Variants in JPH2 observed in about 807,000 individuals in gnomAD.
The protein encoded by JPH2 is junctophilin-2.
Under a neutral mutation model 55.9 loss-of-function variants are expected in JPH2, and 38 were observed. That is an observed-to-expected ratio of 0.68 (90% CI 0.52 to 0.89). The LOEUF (loss-of-function observed/expected upper bound fraction) is 0.89. JPH2 is among the 40% of genes least tolerant of loss of function. The pLI is 0.00. For missense variants in JPH2, 964 were observed against 1,037.6 expected, an observed-to-expected ratio of 0.93 and a Z score of 0.97; for synonymous variants, 480 against 472.4, an observed-to-expected ratio of 1.02 and a Z score of -0.21.
chr20:44,178,955 C>T (rs1265010518), intron 1 of JPH2, among the ~76,000 whole-genome samples: 4 of 152,200 alleles, frequency 2.6e-5, no homozygotes, highest in Non-Finnish European at 4.4e-5. Context: ...GGCAAAATCA[C>T]GTAACTCCCG....
Position 44,160,422 on chromosome 20 carries a change from A to T in JPH2, c.380-15T>A, listed in dbSNP as rs1474859369. On this transcript the variant is annotated splice_polypyrimidine_tract_variant and intron_variant, in intron 1 of 5. Transcript: ENST00000372980. This position sits in a 1 kb window ranked among gnomAD's most constrained non-coding sequence, Gnocchi z 4.9. ...TTGGTACGTCCCTGCGGGCGAGGAG[A>T]GGGCGCGTCAGTAGGCGGCACGACG... The T allele has an allele frequency of 1.2e-6, 2 of 1,605,596 alleles. No homozygotes were observed. The highest frequency in any genetic ancestry group is 1.7e-6 in the Non-Finnish European group (2 of 1,177,000).
At chr20:44,144,457 T>C (rs552502918) in intron 2 of JPH2, among the ~76,000 whole-genome samples, 9 of 152,264 alleles carry the variant, frequency 5.9e-5, no homozygotes, top group African/African-American at 1.9e-4. Flanking sequence ...ACTGTCCCCA[T>C]TCTACAGACG....
chr20:44,159,750 A>G lies in JPH2; in HGVS notation c.1037T>C (p.Leu346Pro). The G allele has an allele frequency of 6.2e-7, 1 of 1,613,774 alleles. No homozygotes were observed. Among genetic ancestry groups the G allele is most frequent in the Non-Finnish European group, 8.5e-7 (1 of 1,179,968 alleles). Residue 346 changes from leucine to proline, a missense_variant, in exon 2 of 6, where the codon CTG (leucine) becomes CCG (proline). Transcript: ENST00000372980. The surrounding 1 kb of genome is among the most constrained non-coding windows in gnomAD (Gnocchi z 5.7). ...REEGKYRHNVLVKDTKRRMLQ... is the reference protein window; with the variant it reads ...REEGKYRHNVPVKDTKRRMLQ... ...CATGCGGCGCTTGGTGTCCTTGACC[A>G]GCACGTTGTGGCGGTACTTGCCCTC...
intron 1 of JPH2, among the ~76,000 whole-genome samples, chr20:44,162,787 T>TATACACAC (rs1311653754): frequency 8.3e-4 from 34 of 40,988 alleles, no homozygotes; most frequent in African/African-American, 3.1e-3. Flanking sequence ...TATATATATA[T>TATACACAC]ACACACACAC....
intron 1 of JPH2, among the ~76,000 whole-genome samples, chr20:44,166,675 A>G (rs1438265244): frequency 1.3e-5 from 2 of 152,146 alleles, no homozygotes; most frequent in African/African-American, 4.8e-5. Context: ...GGGAAGGGGA[A>G]AAACCGACTC....
chr20:44,117,507 G>A (rs2072202145), intron 3 of JPH2, among the ~76,000 whole-genome samples: 1 of 152,180 alleles, frequency 6.6e-6, no homozygotes, highest in Non-Finnish European at 1.5e-5. Flanking sequence ...CCCACCCAGC[G>A]CTATCTGGTA....
At chr20:44,161,793 C>T (rs574717481) in intron 1 of JPH2, among the ~76,000 whole-genome samples, 1 of 152,172 alleles carries the variant, frequency 6.6e-6, no homozygotes, top group South Asian at 2.1e-4. Flanking sequence ...CATCCAAAAA[C>T]CTTCTCCTAT....
At chr20:44,122,257 T>A (rs1336718911) in intron 2 of JPH2, among the ~76,000 whole-genome samples, 7 of 152,126 alleles carry the variant, frequency 4.6e-5, no homozygotes, top group African/African-American at 1.7e-4. Context: ...TGCACATATG[T>A]AGGGGCAAGG....
chr20:44,162,321 C>A (rs924824162), intron 1 of JPH2, among the ~76,000 whole-genome samples: 129 of 152,298 alleles, frequency 8.5e-4, no homozygotes, highest in African/African-American at 3.1e-3. Flanking sequence ...CTCCAGATAT[C>A]CTTCAAGTCT....
Position 44,177,501 on chromosome 20 carries a change from G to A in JPH2, c.379+8826C>T, listed in dbSNP as rs190413349. 4.3e-5 allele frequency: 44 copies of A among 1,024,984 alleles called. No individual in the cohort carries two copies. In the African/African-American group the frequency reaches 7.2e-4, roughly 17 times the overall value. 63.5% of individuals were successfully genotyped at this position (1,024,984 alleles called of 1,614,324 possible). On this transcript the variant is annotated intron_variant, in intron 1 of 5. Coordinates refer to ENST00000372980, the MANE Select transcript of JPH2 (RefSeq NM_020433.5). ...GCCGTGGACAGGAAAGACTAATACGGTCCGCTTTTCTGTTCTGCTAAGGGT... is the reference window on the plus strand; with the variant it reads ...GCCGTGGACAGGAAAGACTAATACGATCCGCTTTTCTGTTCTGCTAAGGGT...
intron 2 of JPH2, among the ~76,000 whole-genome samples, chr20:44,155,272 G>T (rs2072557691): frequency 6.6e-6 from 1 of 152,138 alleles, no homozygotes; most frequent in South Asian, 2.1e-4. Context: ...CTTGGGCAAG[G>T]TCACACAGCT....
rs1194483938 is a variant in JPH2, at chr20:44,109,368, A to G, written c.*4150T>C. Reference sequence around the variant, plus strand: ...TCTAAGTGCTGTGTTCATATTTTCTATCTGAAGAGGCAGGTAACATGGTAT... The same window carrying G: ...TCTAAGTGCTGTGTTCATATTTTCTGTCTGAAGAGGCAGGTAACATGGTAT... On this transcript the variant is annotated 3_prime_UTR_variant, in exon 6 of 6. Transcript: ENST00000372980. Among the ~76,000 whole-genome samples, 1 of 152,240 alleles carries G rather than the reference A, an allele frequency of 6.6e-6. No individual in the cohort carries two copies. Among genetic ancestry groups the G allele is most frequent in the Non-Finnish European group, 1.5e-5 (1 of 68,046 alleles).
Position 44,186,814 on chromosome 20 carries a change from C to CCACT in JPH2, c.-113_-110dup. 1 of 1,085,622 alleles carries CCACT rather than the reference C, an allele frequency of 9.2e-7. No homozygotes were observed. Among genetic ancestry groups the CCACT allele is most frequent in the South Asian group, 1.3e-5 (1 of 74,762 alleles). The allele number at this position is 1,085,622 out of a possible 1,614,324, so 67.2% of individuals were successfully genotyped here. ...CCTCGGGGGCAGGCCCCCAGACTCA[C>CCACT]CACTGCACCCCAGGAGGGGGGAAGC... is the stretch of plus-strand genomic sequence containing the variant. On this transcript the variant is annotated 5_prime_UTR_variant, in exon 1 of 6. It introduces an in-frame stop codon into an upstream open reading frame of the 5' UTR. Coordinates refer to ENST00000372980, the MANE Select transcript of JPH2 (RefSeq NM_020433.5).
rs867259452 is a variant in JPH2 at position 44,134,219 on chromosome 20, T to A, written c.1170-15596A>T. On this transcript the variant is annotated intron_variant, in intron 2 of 5. Coordinates refer to ENST00000372980, the MANE Select transcript of JPH2 (RefSeq NM_020433.5). Reference sequence around the variant, plus strand: ...TATAAATATATAAATATATATTTATTATAAATATATATAAATATTTATTAT... The same window carrying A: ...TATAAATATATAAATATATATTTATAATAAATATATATAAATATTTATTAT... Among the ~76,000 whole-genome samples, 13 of 29,292 alleles carry A rather than the reference T, an allele frequency of 4.4e-4. 5 individuals carry two copies. Among genetic ancestry groups the A allele is most frequent in the Non-Finnish European group, 6.0e-4 (11 of 18,330 alleles). The allele number at this position is 29,292 out of a possible 152,430, so 19.2% of individuals were successfully genotyped here. A position where few individuals can be genotyped will look rare whatever the true frequency, so the allele number is the denominator to read the frequency against.
intron 2 of JPH2, among the ~76,000 whole-genome samples, chr20:44,156,035 C>CAAA (rs753733872): frequency 0.013 from 1,571 of 124,260 alleles, 49 homozygotes; most frequent in African/African-American, 0.042. Flanking sequence ...GACCCTGCCT[C>CAAA]AAAAAAAAAA....
At chr20:44,134,700 C>G (rs547276547) in intron 2 of JPH2, among the ~76,000 whole-genome samples, 14 of 41,438 alleles carry the variant, frequency 3.4e-4, no homozygotes, top group Admixed American at 2.8e-3. Context: ...AATATATATA[C>G]ATTAATATAT....
chr20:44,158,260 G>C (rs1384796799), intron 2 of JPH2, among the ~76,000 whole-genome samples: 3 of 152,224 alleles, frequency 2.0e-5, no homozygotes, highest in Non-Finnish European at 4.4e-5. Flanking sequence ...GGTTAAGTGA[G>C]TGGCAAAGGA....
In JPH2 at chr20:44,183,354, A is replaced by G. The variant is rs138071938; in HGVS notation, c.379+2973T>C. On this transcript the variant is annotated intron_variant, in intron 1 of 5. Coordinates refer to ENST00000372980, the MANE Select transcript of JPH2 (RefSeq NM_020433.5). ...AGGTCACCCAACTAGCAAGTTGTGGAGCCAGAATCTGTGCTCAGGGCTGTT... is the reference window on the plus strand; with the variant it reads ...AGGTCACCCAACTAGCAAGTTGTGGGGCCAGAATCTGTGCTCAGGGCTGTT... 4.4e-4 allele frequency among the ~76,000 whole-genome samples: 67 copies of G among 152,344 alleles called. 1 individual carries two copies. Among genetic ancestry groups the G allele is most frequent in the African/African-American group, 1.6e-3 (66 of 41,578 alleles).
rs1229443267 is a variant in JPH2 at position 44,107,298 on chromosome 20, G to A, written c.*6220C>T. On this transcript the variant is annotated 3_prime_UTR_variant, in exon 6 of 6. Transcript: ENST00000372980. ...ATGTCTACTCTGCCCCGAGACCTAA[G>A]TGGGACAATGGGGATGGTACTACAG... 2.0e-5 allele frequency among the ~76,000 whole-genome samples: 3 copies of A among 152,046 alleles called. No homozygotes were observed. Among genetic ancestry groups the A allele is most frequent in the African/African-American group, 4.8e-5 (2 of 41,390 alleles).
Sources: allele counts gnomAD v4.1 joint callset (sites outside exome capture counted in the v4.1 genomes callset), GRCh38; gene constraint gnomAD v4.1.1; non-coding constraint Gnocchi (gnomAD v3.1); transcripts MANE v1.5; gene names NCBI Gene and HGNC (gene_info 2026-07-23, HGNC 2026-07-21).